Variants in CYP7B1 observed in about 807,000 individuals in gnomAD.
CYP7B1 encodes the protein cytochrome P450 family 7 subfamily B member 1, also known as cytochrome P450 7B1.
In CYP7B1, 29 loss-of-function variants were observed where a neutral mutation model predicts 42.7. That is an observed-to-expected ratio of 0.68 (90% CI 0.51 to 0.93). CYP7B1 has a LOEUF of 0.93. Ranked by LOEUF, CYP7B1 falls within the 40% of genes least tolerant of loss-of-function variation. The pLI, the probability that CYP7B1 is intolerant of heterozygous loss-of-function variation, is 0.00. For missense variants in CYP7B1, 655 were observed against 600.5 expected, an observed-to-expected ratio of 1.09 and a Z score of -0.95; for synonymous variants, 235 against 218.2, an observed-to-expected ratio of 1.08 and a Z score of -0.68.
intron 1 of CYP7B1, among the ~76,000 whole-genome samples, chr8:64,675,497 T>A (rs945568756): frequency 2.0e-5 from 3 of 151,024 alleles, no homozygotes; most frequent in African/African-American, 7.3e-5. Context: ...TTATTAAGTA[T>A]TTTGCTATTA....
intron 1 of CYP7B1, among the ~76,000 whole-genome samples, chr8:64,627,175 G>C (rs1229489006): frequency 3.3e-5 from 5 of 152,308 alleles, no homozygotes; most frequent in African/African-American, 9.6e-5. Context: ...ACACTGCATA[G>C]AGATGGGAAT....
chr8:64,598,658 T>C (rs941184440), intron 5 of CYP7B1, among the ~76,000 whole-genome samples: 1 of 152,216 alleles, frequency 6.6e-6, no homozygotes, highest in Non-Finnish European at 1.5e-5. Context: ...ATGAATGTGC[T>C]AACCTCTGAG....
At chr8:64,687,306 A>G (rs1806670244) in intron 1 of CYP7B1, among the ~76,000 whole-genome samples, 1 of 152,244 alleles carries the variant, frequency 6.6e-6, no homozygotes, top group Non-Finnish European at 1.5e-5. Flanking sequence ...ATTATGCTAA[A>G]GGAAGAAGTT....
chr8:64,717,628 G>A (rs890659907), intron 1 of CYP7B1, among the ~76,000 whole-genome samples: 2 of 152,004 alleles, frequency 1.3e-5, no homozygotes, highest in Non-Finnish European at 2.9e-5. Flanking sequence ...CAGCGCAGGA[G>A]GATTGCTTGA....
chr8:64,628,920 T>C (rs1298311976), intron 1 of CYP7B1, among the ~76,000 whole-genome samples: 1 of 152,072 alleles, frequency 6.6e-6, no homozygotes, highest in Non-Finnish European at 1.5e-5. Flanking sequence ...GCACATTTTT[T>C]CCCCTCAACA....
chr8:64,608,249 T>C (rs1203218351), intron 4 of CYP7B1, among the ~76,000 whole-genome samples: 3 of 152,378 alleles, frequency 2.0e-5, no homozygotes, highest in East Asian at 3.9e-4. Context: ...TATTCTCTTT[T>C]GCTCTCAGTT....
At chr8:64,609,484 C>T (rs1805333496) in intron 4 of CYP7B1, among the ~76,000 whole-genome samples, 1 of 152,174 alleles carries the variant, frequency 6.6e-6, no homozygotes, top group South Asian at 2.1e-4. Context: ...TTCCACATAA[C>T]AACCCTTTCA....
intron 5 of CYP7B1, 132 bp downstream of exon 5, chr8:64,604,550 G>T: frequency 1.1e-6 from 1 of 874,238 alleles, no homozygotes; most frequent in Non-Finnish European, 1.9e-6. Context: ...CTTATTAGGA[G>T]GAATAATAGA....
chr8:64,770,563 A>T (rs1311509849), intron 1 of CYP7B1, among the ~76,000 whole-genome samples: 2 of 152,226 alleles, frequency 1.3e-5, no homozygotes, highest in Admixed American at 6.5e-5. Flanking sequence ...TCTACCATAA[A>T]AATAAAACTA....
At chr8:64,604,481 A>C (rs971899068) in intron 5 of CYP7B1, among the ~76,000 whole-genome samples, 2 of 152,210 alleles carry the variant, frequency 1.3e-5, no homozygotes, top group East Asian at 1.9e-4. Flanking sequence ...TTCTCTTTAT[A>C]GATCATGGAA....
At chr8:64,606,583 G>A (rs1483467796) in intron 4 of CYP7B1, among the ~76,000 whole-genome samples, 2 of 152,202 alleles carry the variant, frequency 1.3e-5, no homozygotes, top group Admixed American at 6.5e-5. Context: ...ATGTGCTCTC[G>A]GGAAGCATGG....
rs142182345 is a variant in CYP7B1 at position 64,683,329 on chromosome 8, T to C, written c.123-58790A>G. Among the ~76,000 whole-genome samples the C allele has an allele frequency of 3.0e-3, 456 of 152,278 alleles. 4 individuals are homozygous for C. The highest frequency in any genetic ancestry group is 4.7e-3 in the Non-Finnish European group (321 of 68,022). ...CTGGAGGACATTATGTTAAGTGAAA[T>C]AAGCCAGGCACAGAAAGACAAACTT... is the stretch of plus-strand genomic sequence containing the variant. On this transcript the variant is annotated intron_variant, in intron 1 of 5. Coordinates refer to ENST00000310193, the MANE Select transcript of CYP7B1 (RefSeq NM_004820.5).
intron 1 of CYP7B1, among the ~76,000 whole-genome samples, chr8:64,658,875 G>C (rs1286537359): frequency 6.6e-6 from 1 of 152,098 alleles, no homozygotes; most frequent in East Asian, 1.9e-4. Flanking sequence ...CCTCTTTCAA[G>C]TACCTAATTT....
chr8:64,589,216 A>G (rs1805004661), downstream of CYP7B1, among the ~76,000 whole-genome samples: 1 of 152,216 alleles, frequency 6.6e-6, no homozygotes, highest in Admixed American at 6.5e-5. Context: ...GTGGACGATT[A>G]TCCTCAAAGA....
At chr8:64,615,344 T>C in intron 3 of CYP7B1, 112 bp from the exon 4 acceptor site, 2 of 1,111,802 alleles carry the variant, frequency 1.8e-6, no homozygotes, top group South Asian at 1.3e-5. Context: ...GATCAGTGCA[T>C]GCTAATGAGA....
At chr8:64,718,931 T>C (rs1014184932) in intron 1 of CYP7B1, among the ~76,000 whole-genome samples, 4 of 152,346 alleles carry the variant, frequency 2.6e-5, no homozygotes, top group Admixed American at 1.3e-4. Flanking sequence ...TCTGTTCTAC[T>C]ACAACAATCA....
intron 1 of CYP7B1, among the ~76,000 whole-genome samples, chr8:64,673,981 G>A (rs987986158): frequency 6.6e-6 from 1 of 152,030 alleles, no homozygotes; most frequent in Non-Finnish European, 1.5e-5. Context: ...ATCTGGTCTT[G>A]AAGGATGCCC....
intron 1 of CYP7B1, among the ~76,000 whole-genome samples, chr8:64,734,624 T>C (rs1461264248): frequency 6.6e-6 from 1 of 152,196 alleles, no homozygotes; most frequent in Non-Finnish European, 1.5e-5. Context: ...GAAGGGGACA[T>C]AAACATGCAA....
At chr8:64,605,839 A>G (rs976472729) in intron 4 of CYP7B1, among the ~76,000 whole-genome samples, 9 of 152,244 alleles carry the variant, frequency 5.9e-5, no homozygotes, top group Non-Finnish European at 1.3e-4. Context: ...ATGACTTGCA[A>G]TTTAGAAATC....
Sources: allele counts gnomAD v4.1 joint callset (sites outside exome capture counted in the v4.1 genomes callset), GRCh38; gene constraint gnomAD v4.1.1; transcripts MANE v1.5; gene names NCBI Gene and HGNC (gene_info 2026-07-23, HGNC 2026-07-21).